The following ARHGAP31 variants were observed in gnomAD, a reference collection of about 807,000 sequenced individuals.
The protein encoded by ARHGAP31 is Rho GTPase activating protein 31.
Under a neutral mutation model 113.9 loss-of-function variants are expected in ARHGAP31, and 34 were observed. The observed-to-expected ratio is 0.30, with a 90% CI of 0.23 to 0.40. The LOEUF (loss-of-function observed/expected upper bound fraction) is 0.40, where lower values mean the gene tolerates loss of function less well. Among genes scored for constraint, ARHGAP31 ranks in the 10% least tolerant of loss-of-function variants. The pLI, the probability that ARHGAP31 is intolerant of heterozygous loss-of-function variation, is 1.00. For synonymous variants in ARHGAP31, 650 were observed against 684.8 expected (o/e 0.95, Z 0.79); for missense variants, 1,548 against 1,767.1 (o/e 0.88, Z 2.22).
At chr3:119,401,758 C>G (rs1174726783) in intron 9 of ARHGAP31, 64 bp from the exon 10 acceptor site, 1 of 1,506,534 alleles carries the variant, frequency 6.6e-7, no homozygotes, top group Non-Finnish European at 9.2e-7. Flanking sequence ...CCTGCCCTTA[C>G]TGGAAGGCCT....
In ARHGAP31 at chr3:119,414,476, A is replaced by G. The variant is rs376360791; in HGVS notation, c.2547A>G (p.Ser849=). The part of the protein sequence containing the change: ...ATPRHSDKQN[S]KNAASEGKGC... ...CAAGACACAGTGACAAGCAAAATTC[A>G]AAGAATGCTGCTTCTGAGGGGAAAG... The change falls in exon 12 of 12, where the codon TCA becomes TCG. Residue 849 remains serine (S), a synonymous_variant. Coordinates refer to ENST00000264245, the MANE Select transcript of ARHGAP31 (RefSeq NM_020754.4). 8.7e-5 allele frequency: 140 copies of G among 1,614,122 alleles called. No homozygotes were observed. The highest frequency in any genetic ancestry group is 1.1e-4 in the Non-Finnish European group (129 of 1,180,036).
intron 11 of ARHGAP31, among the ~76,000 whole-genome samples, chr3:119,411,910 C>G (rs1042747312): frequency 2.0e-5 from 3 of 152,142 alleles, no homozygotes; most frequent in African/African-American, 7.2e-5. Context: ...AGCTCACAGT[C>G]CATTGGGAAT....
intron 1 of ARHGAP31, among the ~76,000 whole-genome samples, chr3:119,295,406 C>T (rs1267080186): frequency 1.4e-5 from 2 of 146,592 alleles, no homozygotes; most frequent in African/African-American, 2.5e-5. Flanking sequence ...AAATCATGAC[C>T]GCCTTAGCTG....
intron 1 of ARHGAP31, among the ~76,000 whole-genome samples, chr3:119,354,766 G>T (rs2080141733): frequency 6.7e-6 from 1 of 149,788 alleles, no homozygotes; most frequent in African/African-American, 2.5e-5. Flanking sequence ...GACCTCAGGT[G>T]ATCCACCTGC....
intron 1 of ARHGAP31, among the ~76,000 whole-genome samples, chr3:119,300,743 CT>C (rs1292043036): frequency 1.3e-5 from 2 of 151,290 alleles, no homozygotes; most frequent in African/African-American, 4.9e-5. Flanking sequence ...AGGAGAATCG[CT>C]TGAACCTGGG....
chr3:119,336,082 G>A (rs2079943843), intron 1 of ARHGAP31, among the ~76,000 whole-genome samples: 1 of 152,182 alleles, frequency 6.6e-6, no homozygotes, highest in African/African-American at 2.4e-5. Flanking sequence ...GGATGAGGCA[G>A]GAGAATCGCT....
intron 3 of ARHGAP31, among the ~76,000 whole-genome samples, chr3:119,374,738 T>C (rs2080333161): frequency 1.3e-5 from 2 of 152,230 alleles, no homozygotes; most frequent in South Asian, 4.1e-4. Context: ...GCCATGATTA[T>C]GTTTCCCAAG....
chr3:119,365,664 C>T (rs146089778), intron 2 of ARHGAP31, among the ~76,000 whole-genome samples: 6 of 152,348 alleles, frequency 3.9e-5, no homozygotes, highest in Non-Finnish European at 7.3e-5. Context: ...TTGTCTTGCA[C>T]TAGATATATT....
chr3:119,409,461 T>C lies in ARHGAP31; in HGVS notation c.1646-35T>C, dbSNP rs755312947. 2.5e-6 allele frequency: 4 copies of C among 1,612,624 alleles called. No individual in the cohort carries two copies. The South Asian group carries it at 4.4e-5, about 18-fold the overall frequency. On this transcript the variant is annotated intron_variant, in intron 10 of 11. Transcript: ENST00000264245. ...GGGAAGAGTCTCTCTTGAAATGAAG[T>C]CTCCTTTAACTGATAACTCTCATTT...
intron 1 of ARHGAP31, among the ~76,000 whole-genome samples, chr3:119,348,690 T>G (rs559228911): frequency 6.6e-6 from 1 of 152,350 alleles, no homozygotes; most frequent in African/African-American, 2.4e-5. Flanking sequence ...GCTATGTAAA[T>G]AGTTGTTACA....
intron 1 of ARHGAP31, among the ~76,000 whole-genome samples, chr3:119,299,564 T>C (rs1208310796): frequency 6.6e-6 from 1 of 152,234 alleles, no homozygotes. Flanking sequence ...ACGGGAACTT[T>C]TAGATGTGAC....
chr3:119,374,857 G>A (rs901690574), intron 3 of ARHGAP31, among the ~76,000 whole-genome samples: 1 of 152,114 alleles, frequency 6.6e-6, no homozygotes, highest in African/African-American at 2.4e-5. Flanking sequence ...TGTGAAAAAG[G>A]GCTAATACAG....
At chr3:119,314,576 G>A (rs1417745077) in intron 1 of ARHGAP31, 1 of 152,536 alleles carries the variant, frequency 6.6e-6, no homozygotes, top group Non-Finnish European at 1.5e-5. Flanking sequence ...TGAGGTGGAG[G>A]TGGAGGAGTG....
chr3:119,413,801 T>A lies in ARHGAP31; in HGVS notation c.1927-55T>A. Reference sequence around the variant, plus strand: ...CCTTCCCTCTCACTGGAAACGCTGATGTCAGCACCCAGAGTACTTAGTTCT... The same window carrying A: ...CCTTCCCTCTCACTGGAAACGCTGAAGTCAGCACCCAGAGTACTTAGTTCT... On this transcript the variant is annotated intron_variant, in intron 11 of 11. Transcript: ENST00000264245. 1.9e-6 allele frequency: 3 copies of A among 1,613,826 alleles called. No homozygotes were observed. The South Asian group carries it at 3.3e-5, about 18-fold the overall frequency.
rs370219852 is a variant in ARHGAP31, at chr3:119,415,437, C to T, written c.3508C>T (p.His1170Tyr). 3.9e-5 allele frequency: 63 copies of T among 1,613,964 alleles called. No homozygotes were observed. The highest frequency in any genetic ancestry group is 4.8e-5 in the Non-Finnish European group (57 of 1,180,036). Residue 1170 changes from histidine (H) to tyrosine (Y), a missense_variant, in exon 12 of 12, where the codon CAT becomes TAT. Transcript: ENST00000264245. ...CCCCCAGGACCTGGACATTGTTGCT[C>T]ATGCACTGACAGGCCGCCGTAACTC... The part of the protein sequence containing the change: ...QDPQDLDIVA[H>Y]ALTGRRNSAP...
intron 1 of ARHGAP31, among the ~76,000 whole-genome samples, chr3:119,335,826 G>T (rs979639561): frequency 6.6e-6 from 1 of 152,158 alleles, no homozygotes; most frequent in African/African-American, 2.4e-5. Flanking sequence ...TCTGCAAATG[G>T]GCATCAACAG....
chr3:119,352,470 A>C (rs1014917043), intron 1 of ARHGAP31, among the ~76,000 whole-genome samples: 16 of 152,236 alleles, frequency 1.1e-4, no homozygotes, highest in African/African-American at 3.6e-4. Flanking sequence ...TTCAGGCAAC[A>C]GCTAGAGAAG....
chr3:119,302,149 T>C (rs1372289285), intron 1 of ARHGAP31, among the ~76,000 whole-genome samples: 1 of 152,234 alleles, frequency 6.6e-6, no homozygotes, highest in African/African-American at 2.4e-5. Context: ...CCAACAGAAA[T>C]GACACTCTTG....
rs375072197 is a variant in ARHGAP31 at position 119,365,365 on chromosome 3, C to T, written c.150C>T (p.Ile50=). ...SCAEFIETHG[I]VDGIYRLSGV... is the part of the protein sequence containing the mutation. ...CAGAATTTATAGAGACTCACGGCAT[C>T]GTGGATGGAATCTATCGGCTTTCAG... The change falls in exon 2 of 12, where the codon ATC becomes ATT. Residue 50 remains isoleucine, a synonymous_variant. Coordinates refer to ENST00000264245, the MANE Select transcript of ARHGAP31 (RefSeq NM_020754.4). The T allele has an allele frequency of 3.3e-5, 53 of 1,614,108 alleles. No individual in the cohort carries two copies. The highest frequency in any genetic ancestry group is 1.7e-4 in the Admixed American group (10 of 60,014).
Sources: allele counts gnomAD v4.1 joint callset (sites outside exome capture counted in the v4.1 genomes callset), GRCh38; gene constraint gnomAD v4.1.1; transcripts MANE v1.5; gene names NCBI Gene and HGNC (gene_info 2026-07-23, HGNC 2026-07-21).